Variants in GSTM2 observed in about 807,000 individuals in gnomAD.
GSTM2 encodes the protein GST class-mu 2.
GSTM2 carries 33 observed loss-of-function variants against 33.3 expected under a neutral mutation model. That is an observed-to-expected ratio of 0.99 (90% CI 0.75 to 1.33). GSTM2 has a LOEUF of 1.33. Ranked by LOEUF, GSTM2 falls within the 40% of genes most tolerant of loss-of-function variation. The pLI is 0.00. For synonymous variants in GSTM2, 93 were observed against 95.6 expected (o/e 0.97, Z 0.16); for missense variants, 213 against 265.8 (o/e 0.80, Z 1.38).
At chr1:109,669,031 G>A (rs755070116) in intron 3 of GSTM2, 42 bp downstream of exon 3, 3 of 1,597,742 alleles carry the variant, frequency 1.9e-6, no homozygotes, top group African/African-American at 1.3e-5. Flanking sequence ...AAAGTGCGAC[G>A]TGTCTCTGAC....
chr1:109,671,070 G>C (rs942090187), intron 5 of GSTM2: 2 of 561,770 alleles, frequency 3.6e-6, no homozygotes, highest in African/African-American at 3.8e-5. Context: ...GTCACATTCC[G>C]CTCTGCCATC....
intron 7 of GSTM2, among the ~76,000 whole-genome samples, chr1:109,673,787 T>G (rs1159551176): frequency 6.6e-6 from 1 of 152,120 alleles, no homozygotes; most frequent in Admixed American, 6.6e-5. Context: ...TTAGTAGAGA[T>G]GGGTTTTCAC....
rs568446251 is a variant in GSTM2, at chr1:109,674,794, A to G, written c.615A>G (p.Pro205=). The G allele has an allele frequency of 5.8e-5, 93 of 1,614,172 alleles. 2 individuals carry two copies. In the South Asian group the frequency reaches 9.4e-4, roughly 16 times the overall value. The change falls in exon 8 of 8, where the codon CCA becomes CCG. Residue 205 remains proline, a synonymous_variant. Coordinates refer to ENST00000241337, the MANE Select transcript of GSTM2 (RefSeq NM_000848.4). ...ACATGAAGTCCAGCCGCTTCCTCCC[A>G]AGACCTGTGTTCACAAAGATGGCTG... ...SAYMKSSRFL[P]RPVFTKMAVW...
At chr1:109,679,353 C>G (rs1647799645), downstream of GSTM2, among the ~76,000 whole-genome samples, 1 of 152,108 alleles carries the variant, frequency 6.6e-6, no homozygotes, top group South Asian at 2.1e-4. Context: ...CACCTGTAAT[C>G]CCAGCTATTC....
chr1:109,674,324 C>T (rs1264095585), intron 7 of GSTM2, among the ~76,000 whole-genome samples: 1 of 151,830 alleles, frequency 6.6e-6, no homozygotes, highest in African/African-American at 2.4e-5. Flanking sequence ...GAGGCCAGAA[C>T]TGGAGAGAGA....
chr1:109,668,706 G>C, intron 2 of GSTM2: 1 of 786,720 alleles, frequency 1.3e-6, no homozygotes, highest in South Asian at 1.7e-5. Context: ...TATGATGGGT[G>C]TCCCTCAGGG....
chr1:109,677,013 C>G (rs1305272809), downstream of GSTM2, among the ~76,000 whole-genome samples: 1 of 152,142 alleles, frequency 6.6e-6, no homozygotes, highest in East Asian at 1.9e-4. Context: ...AAATACAACT[C>G]ATTAAAAAAT....
chr1:109,674,648 C>A lies in GSTM2; in HGVS notation c.568-99C>A, dbSNP rs1647654889. On this transcript the variant is annotated intron_variant, in intron 7 of 7. Coordinates refer to ENST00000241337, the MANE Select transcript of GSTM2 (RefSeq NM_000848.4). ...CAGCACTTGAGCCCACATGGAAAGG[C>A]TGTGGCCAGGGCCCTGACCTGCTGT... The A allele has an allele frequency of 4.7e-6, 7 of 1,492,720 alleles. No homozygotes were observed. The East Asian group carries it at 1.4e-4, about 29-fold the overall frequency. 92.5% of individuals were successfully genotyped at this position (1,492,720 alleles called of 1,614,324 possible).
rs758767133 is a variant in GSTM2 at position 109,671,593 on chromosome 1, C to G, written c.567+10C>G. The stretch of plus-strand genomic sequence containing the variant: ...CATCTCCCGATTTGAGGTGATGCCC[C>G]CAGCCTCCTTTCTCTTTATGTCTCT... On this transcript the variant is annotated intron_variant, in intron 7 of 7. Coordinates refer to ENST00000241337, the MANE Select transcript of GSTM2 (RefSeq NM_000848.4). The G allele has an allele frequency of 7.2e-7, 1 of 1,380,056 alleles. No homozygotes were observed. Among genetic ancestry groups the G allele is most frequent in the East Asian group, 2.3e-5 (1 of 43,868 alleles). 85.5% of individuals were successfully genotyped at this position (1,380,056 alleles called of 1,614,324 possible). A position where few individuals can be genotyped will look rare whatever the true frequency, so the allele number is the denominator to read the frequency against.
Position 109,671,305 on chromosome 1 carries a change from TA to T in GSTM2, c.380del (p.Tyr127SerfsTer9). On this transcript the variant is annotated frameshift_variant, in exon 6 of 8. Coordinates refer to ENST00000241337, the MANE Select transcript of GSTM2 (RefSeq NM_000848.4). LOFTEE classifies it high-confidence loss of function. ...DPDFEKLKPE[Y>X]LQALPEMLKL... is the part of the protein sequence containing the mutation. Reference sequence around the variant, plus strand: ...GCCTCAGGAGAAACTGAAACCAGAATACCTGCAGGCACTCCCTGAAATGCTG... The same window carrying T: ...GCCTCAGGAGAAACTGAAACCAGAATCCTGCAGGCACTCCCTGAAATGCTG... 1 of 1,613,532 alleles carries T rather than the reference TA, an allele frequency of 6.2e-7. No individual in the cohort carries two copies. Among genetic ancestry groups the T allele is most frequent in the Non-Finnish European group, 8.5e-7 (1 of 1,179,440 alleles).
intron 7 of GSTM2, chr1:109,673,194 A>G (rs376915744): frequency 2.1e-4 from 336 of 1,610,806 alleles, no homozygotes; most frequent in African/African-American, 7.5e-4. Context: ...TTTCCCTCCA[A>G]TGTTCCAGGT....
downstream of GSTM2, among the ~76,000 whole-genome samples, chr1:109,677,751 G>C (rs1394456418): frequency 1.3e-5 from 2 of 152,220 alleles, no homozygotes; most frequent in African/African-American, 4.8e-5. Context: ...AAAGCCCACA[G>C]AGTAGCACAC....
chr1:109,677,409 A>G (rs559465673), downstream of GSTM2, among the ~76,000 whole-genome samples: 1 of 152,342 alleles, frequency 6.6e-6, no homozygotes, highest in East Asian at 1.9e-4. Flanking sequence ...TCCATGAACA[A>G]ATGAACTGTG....
At chr1:109,677,753 G>A (rs1647739531), downstream of GSTM2, among the ~76,000 whole-genome samples, 1 of 152,198 alleles carries the variant, frequency 6.6e-6, no homozygotes. Flanking sequence ...AGCCCACAGA[G>A]TAGCACACTT....
chr1:109,671,863 T>A (rs1417897605), intron 7 of GSTM2, among the ~76,000 whole-genome samples: 4 of 141,022 alleles, frequency 2.8e-5, no homozygotes, highest in South Asian at 2.3e-4. Context: ...CCCAGCTACT[T>A]GGGAGGCTGA....
intron 2 of GSTM2, 59 bp downstream of exon 2, chr1:109,668,559 C>G: frequency 6.4e-7 from 1 of 1,572,078 alleles, no homozygotes; most frequent in Non-Finnish European, 8.8e-7. Context: ...ACCAAGCAAC[C>G]GATAGTGGCC....
intron 5 of GSTM2, 37 bp downstream of exon 5, chr1:109,669,608 C>A: frequency 1.6e-6 from 2 of 1,267,692 alleles, no homozygotes; most frequent in Non-Finnish European, 2.3e-6. Context: ...CTCCCCTTCC[C>A]TACTCCCAGT....
At position 109,672,863 on chromosome 1, in the gene GSTM2, T is replaced by A. The variant is rs1439428616; in HGVS notation, c.567+1280T>A. On this transcript the variant is annotated intron_variant, in intron 7 of 7. Transcript: ENST00000241337. ...CCTGTGCTGGAGCACTTTCCTTCTC[T>A]ACCTCTTTTTTTTTTTTTTTTTTTG... is the stretch of plus-strand genomic sequence containing the variant. Among the ~76,000 whole-genome samples, 7 of 142,964 alleles carry A rather than the reference T, an allele frequency of 4.9e-5. No homozygotes were observed. The South Asian group carries it at 1.6e-3, about 32-fold the overall frequency. 93.8% of individuals were successfully genotyped at this position (142,964 alleles called of 152,430 possible). A position where few individuals can be genotyped will look rare whatever the true frequency, so the allele number is the denominator to read the frequency against.
At chr1:109,676,978 T>A (rs978546152), downstream of GSTM2, among the ~76,000 whole-genome samples, 3 of 152,174 alleles carry the variant, frequency 2.0e-5, no homozygotes, top group Non-Finnish European at 4.4e-5. Context: ...AACAAAGGTC[T>A]CTTCTCCAAA....
Sources: allele counts gnomAD v4.1 joint callset (sites outside exome capture counted in the v4.1 genomes callset), GRCh38; gene constraint gnomAD v4.1.1; transcripts MANE v1.5; gene names NCBI Gene and HGNC (gene_info 2026-07-23, HGNC 2026-07-21).